The following CMSS1 variants were observed in gnomAD, a reference collection of about 807,000 sequenced individuals.
CMSS1 encodes protein CMSS1.
CMSS1 carries 33 observed loss-of-function variants against 43.5 expected under a neutral mutation model. The observed-to-expected ratio is 0.76, with a 90% confidence interval of 0.57 to 1.01. CMSS1 has a LOEUF of 1.01. Among genes scored for constraint, CMSS1 ranks in the 50% least tolerant of loss-of-function variants. The pLI is 0.00. For missense variants in CMSS1, 313 were observed against 326.4 expected (o/e 0.96, Z 0.32); for synonymous variants, 115 against 117.2 (o/e 0.98, Z 0.12).
At chr3:99,934,653 C>T (rs1707600517) in intron 1 of CMSS1, among the ~76,000 whole-genome samples, 1 of 152,126 alleles carries the variant, frequency 6.6e-6, no homozygotes, top group African/African-American at 2.4e-5. Flanking sequence ...ATAAGTAGTG[C>T]CCTTTTAGCT....
intron 1 of CMSS1, among the ~76,000 whole-genome samples, chr3:99,879,090 A>G (rs1031128941): frequency 2.0e-5 from 3 of 152,248 alleles, no homozygotes; most frequent in Admixed American, 6.5e-5. Flanking sequence ...ATTTACTACA[A>G]ATAAGCATAC....
chr3:100,096,445 T>G (rs1264947503), intron 1 of CMSS1, among the ~76,000 whole-genome samples: 1 of 152,184 alleles, frequency 6.6e-6, no homozygotes, highest in East Asian at 1.9e-4. Context: ...GATAATGAGA[T>G]CCTGTCATTT....
At chr3:100,089,144 C>T (rs553407450) in intron 1 of CMSS1, among the ~76,000 whole-genome samples, 1 of 152,306 alleles carries the variant, frequency 6.6e-6, no homozygotes, top group Non-Finnish European at 1.5e-5. Context: ...ATATAGTTAA[C>T]ATGAAGTGTC....
chr3:99,921,700 C>G (rs1033868243), intron 1 of CMSS1, among the ~76,000 whole-genome samples: 23 of 152,216 alleles, frequency 1.5e-4, no homozygotes, highest in African/African-American at 5.3e-4. Context: ...GGTAAAGAAT[C>G]CTATAAAGGA....
intron 1 of CMSS1, among the ~76,000 whole-genome samples, chr3:99,955,539 A>G (rs937700305): frequency 6.6e-6 from 1 of 152,184 alleles, no homozygotes; most frequent in African/African-American, 2.4e-5. Context: ...GTTCCCAGCA[A>G]TGCTTGAGAA....
In CMSS1 at chr3:100,178,348, G is replaced by C. The variant is rs1408876591; in HGVS notation, c.800G>C (p.Ser267Thr). ...VFELLEMGVL[S>T]LCKSESLKLG... The stretch of plus-strand genomic sequence containing the variant: ...GAACTTCTGGAAATGGGAGTGCTCA[G>C]TCTGTGCAAGTCAGAATCCTTGAAA... The change falls in exon 10 of 10, where the codon AGT (serine) becomes ACT (threonine). Residue 267 changes from serine to threonine, a missense_variant. Transcript: ENST00000421999. 6.2e-7 allele frequency: 1 copy of C among 1,613,424 alleles called. No homozygotes were observed. Among genetic ancestry groups the C allele is most frequent in the Non-Finnish European group, 8.5e-7 (1 of 1,179,478 alleles).
At chr3:100,117,904 G>A (rs2066589976) in intron 1 of CMSS1, among the ~76,000 whole-genome samples, 1 of 131,216 alleles carries the variant, frequency 7.6e-6, no homozygotes, top group Non-Finnish European at 1.6e-5. Flanking sequence ...TATTACTCAG[G>A]CTTAAAGACG....
intron 1 of CMSS1, among the ~76,000 whole-genome samples, chr3:99,891,230 A>G (rs1706072939): frequency 6.6e-6 from 1 of 151,674 alleles, no homozygotes; most frequent in African/African-American, 2.4e-5. Context: ...TTTCTAAATT[A>G]CCCTTTCGTC....
Position 100,065,591 on chromosome 3 carries a change from C to A in CMSS1, c.65-81382C>A, listed in dbSNP as rs187815103. On this transcript the variant is annotated intron_variant, in intron 1 of 9. Coordinates refer to ENST00000421999, the MANE Select transcript of CMSS1 (RefSeq NM_032359.4). Reference sequence around the variant, plus strand: ...TCTTCCACTTTTCATCTTACTCTTTCTTCCTAATGAAAAAAGTATTCACTT... The same window carrying A: ...TCTTCCACTTTTCATCTTACTCTTTATTCCTAATGAAAAAAGTATTCACTT... Among the ~76,000 whole-genome samples, 11 of 152,262 alleles carry A rather than the reference C, an allele frequency of 7.2e-5. No homozygotes were observed. The East Asian group carries it at 1.3e-3, about 19-fold the overall frequency.
chr3:100,047,601 T>A (rs1436526270), intron 1 of CMSS1, among the ~76,000 whole-genome samples: 1 of 152,236 alleles, frequency 6.6e-6, no homozygotes, highest in Admixed American at 6.5e-5. Context: ...CTGCAGTTTA[T>A]GCCTCCGCAA....
chr3:100,157,875 CT>C (rs1047900448), intron 2 of CMSS1, among the ~76,000 whole-genome samples: 1 of 152,144 alleles, frequency 6.6e-6, no homozygotes, highest in African/African-American at 2.4e-5. Flanking sequence ...CCAATCTCTT[CT>C]TTTTTAACCC....
chr3:99,944,723 C>A (rs1707956615), intron 1 of CMSS1, among the ~76,000 whole-genome samples: 1 of 152,194 alleles, frequency 6.6e-6, no homozygotes, highest in Non-Finnish European at 1.5e-5. Context: ...GCCTGAATTC[C>A]TTCTCTTTAG....
intron 1 of CMSS1, among the ~76,000 whole-genome samples, chr3:99,965,762 G>A (rs1708631055): frequency 6.6e-6 from 1 of 152,192 alleles, no homozygotes; most frequent in African/African-American, 2.4e-5. Flanking sequence ...AAGGTTACCA[G>A]ATGGAGGTCA....
intron 1 of CMSS1, among the ~76,000 whole-genome samples, chr3:99,951,299 T>G (rs1256442612): frequency 6.6e-6 from 1 of 152,196 alleles, no homozygotes; most frequent in Admixed American, 6.5e-5. Context: ...TTACAGTAGC[T>G]ATTTTACTTA....
intron 1 of CMSS1, among the ~76,000 whole-genome samples, chr3:99,826,598 C>A (rs889310459): frequency 1.3e-5 from 2 of 152,040 alleles, no homozygotes; most frequent in African/African-American, 4.8e-5. Context: ...CAAACGCTGC[C>A]CCAAACTCAA....
chr3:100,083,457 T>A (rs1021618563), intron 1 of CMSS1, among the ~76,000 whole-genome samples: 1 of 152,224 alleles, frequency 6.6e-6, no homozygotes, highest in African/African-American at 2.4e-5. Context: ...GTGATCTGTA[T>A]TTTAGCAAGC....
At chr3:100,029,817 G>A (rs1474057862) in intron 1 of CMSS1, among the ~76,000 whole-genome samples, 1 of 152,080 alleles carries the variant, frequency 6.6e-6, no homozygotes, top group Admixed American at 6.6e-5. Flanking sequence ...GTGACCAAAA[G>A]GGCAGATTCT....
At chr3:99,931,543 C>CA (rs1707483200) in intron 1 of CMSS1, among the ~76,000 whole-genome samples, 1 of 152,094 alleles carries the variant, frequency 6.6e-6, no homozygotes, top group South Asian at 2.1e-4. Flanking sequence ...ACAGAAATGG[C>CA]AGAGTTACTG....
chr3:99,974,448 G>A (rs144837453), intron 1 of CMSS1, among the ~76,000 whole-genome samples: 71 of 152,230 alleles, frequency 4.7e-4, no homozygotes, highest in African/African-American at 1.4e-3. Context: ...AGTGGCTCAC[G>A]CCTGTAATCA....
Sources: gnomAD v4.1 joint callset for allele counts (sites outside exome capture counted in the v4.1 genomes callset) on GRCh38, gnomAD v4.1.1 for gene constraint, MANE v1.5 for transcripts, NCBI Gene and HGNC (gene_info 2026-07-23, HGNC 2026-07-21) for gene names.